HS6ST3: variants seen among roughly 807,000 people sequenced by gnomAD.
HS6ST3 encodes heparan-sulfate 6-O-sulfotransferase 3.
In HS6ST3, 12 loss-of-function variants were observed where a neutral mutation model predicts 36.7. The observed-to-expected ratio is 0.33, with a 90% CI of 0.21 to 0.53. HS6ST3 has a LOEUF of 0.53. Among genes scored for constraint, HS6ST3 ranks in the 20% least tolerant of loss-of-function variants. The pLI, the probability that HS6ST3 is intolerant of heterozygous loss-of-function variation, is 0.95. For missense variants in HS6ST3, 584 were observed against 640.9 expected (o/e 0.91, Z 0.96); for synonymous variants, 240 against 257.5 (o/e 0.93, Z 0.65).
chr13:96,345,526 C>G (rs79868833), intron 1 of HS6ST3, among the ~76,000 whole-genome samples: 2,181 of 152,280 alleles, frequency 0.014, 26 homozygotes, highest in East Asian at 0.054. Context: ...ACTCCCCACT[C>G]ATATCTACCA....
At chr13:96,475,195 A>T (rs1225644971) in intron 1 of HS6ST3, among the ~76,000 whole-genome samples, 1 of 152,098 alleles carries the variant, frequency 6.6e-6, no homozygotes, top group East Asian at 1.9e-4. Flanking sequence ...GCATTCTCTG[A>T]GCTATTCTAC....
chr13:96,121,430 T>C (rs2139306362), intron 1 of HS6ST3, among the ~76,000 whole-genome samples: 1 of 152,336 alleles, frequency 6.6e-6, no homozygotes, highest in Non-Finnish European at 1.5e-5. Flanking sequence ...CATACACTTA[T>C]TGCTATTATT....
At chr13:96,651,104 A>C (rs1232766458) in intron 1 of HS6ST3, among the ~76,000 whole-genome samples, 1 of 152,082 alleles carries the variant, frequency 6.6e-6, no homozygotes, top group East Asian at 1.9e-4. Context: ...TTCAAGGTTT[A>C]CTTCTAACCT....
At chr13:96,184,403 C>T (rs1479140334) in intron 1 of HS6ST3, among the ~76,000 whole-genome samples, 2 of 152,120 alleles carry the variant, frequency 1.3e-5, no homozygotes, top group Admixed American at 1.3e-4. Flanking sequence ...CATTCAGCTA[C>T]TCGAATGTAA....
intron 1 of HS6ST3, among the ~76,000 whole-genome samples, chr13:96,480,411 G>T (rs904211908): frequency 2.0e-5 from 3 of 152,126 alleles, no homozygotes; most frequent in African/African-American, 4.8e-5. Context: ...ACTGCACTGG[G>T]CCTCCACTTT....
At chr13:96,503,282 G>C (rs1368313408) in intron 1 of HS6ST3, among the ~76,000 whole-genome samples, 1 of 152,106 alleles carries the variant, frequency 6.6e-6, no homozygotes, top group African/African-American at 2.4e-5. Context: ...TCACAACAGA[G>C]TAAATCAACA....
chr13:96,641,646 G>A (rs1019675787), intron 1 of HS6ST3, among the ~76,000 whole-genome samples: 2 of 151,564 alleles, frequency 1.3e-5, no homozygotes, highest in African/African-American at 4.8e-5. Context: ...TAGTTCCCTT[G>A]ACATTTTTAA....
chr13:96,731,225 TCTC>T (rs2138476907), intron 1 of HS6ST3, among the ~76,000 whole-genome samples: 1 of 152,326 alleles, frequency 6.6e-6, no homozygotes, highest in East Asian at 1.9e-4. Context: ...TTAACCAGCA[TCTC>T]CTCAAAGTCT....
intron 1 of HS6ST3, among the ~76,000 whole-genome samples, chr13:96,757,889 AG>A (rs1266951468): frequency 1.3e-5 from 2 of 151,974 alleles, no homozygotes; most frequent in Admixed American, 1.3e-4. Flanking sequence ...GTGTGCATTG[AG>A]GTTCTTGAAA....
At chr13:96,419,110 G>A (rs886222608) in intron 1 of HS6ST3, among the ~76,000 whole-genome samples, 2 of 152,312 alleles carry the variant, frequency 1.3e-5, no homozygotes, top group East Asian at 3.9e-4. Flanking sequence ...CCTTTATTGT[G>A]GAGAAGAGCC....
At chr13:96,517,725 A>G (rs115178814) in intron 1 of HS6ST3, among the ~76,000 whole-genome samples, 286 of 151,946 alleles carry the variant, frequency 1.9e-3, no homozygotes, top group African/African-American at 6.7e-3. Flanking sequence ...ACCAAATGTT[A>G]TTTTTTTCTG....
intron 1 of HS6ST3, among the ~76,000 whole-genome samples, chr13:96,709,709 C>A (rs575050899): frequency 2.0e-5 from 3 of 152,164 alleles, no homozygotes; most frequent in Non-Finnish European, 4.4e-5. Flanking sequence ...AGACTTGTAG[C>A]CTTTATAACT....
chr13:96,139,541 GAAAAAAAAAAAAAA>G (rs57777280), intron 1 of HS6ST3, among the ~76,000 whole-genome samples: 3 of 66,282 alleles, frequency 4.5e-5, no homozygotes, highest in African/African-American at 1.8e-4. Context: ...GTAAGATTCA[GAAAAAAAAAAAAAA>G]AAAAAAAAAA....
chr13:96,451,079 A>G (rs536473519), intron 1 of HS6ST3, among the ~76,000 whole-genome samples: 25 of 149,326 alleles, frequency 1.7e-4, no homozygotes, highest in African/African-American at 6.4e-4. Flanking sequence ...GAACAGTATT[A>G]CCTCATTAAA....
chr13:96,713,587 ATAAAATATATT>A (rs1269014774), intron 1 of HS6ST3, among the ~76,000 whole-genome samples: 1 of 152,186 alleles, frequency 6.6e-6, no homozygotes, highest in Non-Finnish European at 1.5e-5. Flanking sequence ...AGTGTTTTAA[ATAAAATATATT>A]TTCAAGGCAT....
chr13:96,810,185 G>T (rs933100375), intron 1 of HS6ST3, among the ~76,000 whole-genome samples: 1 of 152,100 alleles, frequency 6.6e-6, no homozygotes, highest in African/African-American at 2.4e-5. Context: ...CTAAGTACAG[G>T]GTAATCCTAC....
rs1042948696 is a variant in HS6ST3 at position 96,393,236 on chromosome 13, C to A, written c.707+301667C>A. On this transcript the variant is annotated intron_variant, in intron 1 of 1. Coordinates refer to ENST00000376705, the MANE Select transcript of HS6ST3 (RefSeq NM_153456.4). ...ATAAATGATCCAGTCTCAGGCATGT[C>A]TTTATCAGCAGCATGAAAAAAGACT... Among the ~76,000 whole-genome samples the A allele has an allele frequency of 2.6e-5, 4 of 152,234 alleles. No individual in the cohort carries two copies. The South Asian group carries it at 8.3e-4, about 32-fold the overall frequency.
chr13:96,602,272 A>G (rs915526141), intron 1 of HS6ST3, among the ~76,000 whole-genome samples: 15 of 151,978 alleles, frequency 9.9e-5, no homozygotes, highest in Non-Finnish European at 4.4e-5. Flanking sequence ...CAGTATATCC[A>G]TCTCTATTTA....
intron 1 of HS6ST3, among the ~76,000 whole-genome samples, chr13:96,361,305 G>A (rs1383980128): frequency 6.6e-6 from 1 of 152,082 alleles, no homozygotes; most frequent in Non-Finnish European, 1.5e-5. Context: ...TTATCACAGT[G>A]CTCTGTTGAG....
Sources: gnomAD v4.1 joint callset for allele counts (sites outside exome capture counted in the v4.1 genomes callset) on GRCh38, gnomAD v4.1.1 for gene constraint, MANE v1.5 for transcripts, NCBI Gene and HGNC (gene_info 2026-07-23, HGNC 2026-07-21) for gene names.